The following CLASP2 variants were observed in gnomAD, a reference collection of about 807,000 sequenced individuals.
CLASP2 encodes the protein cytoplasmic linker associated protein 2.
CLASP2 carries 47 observed loss-of-function variants against 194.4 expected under a neutral mutation model. The ratio of observed to expected loss-of-function variants is 0.24; its 90% CI spans 0.19 to 0.31. CLASP2 has a LOEUF of 0.31. CLASP2 is among the 10% of genes least tolerant of loss of function. The pLI is 1.00. For missense variants in CLASP2, 1,445 were observed against 1,823.6 expected, an observed-to-expected ratio of 0.79 and a Z score of 3.78; for synonymous variants, 619 against 633.5, an observed-to-expected ratio of 0.98 and a Z score of 0.34.
chr3:33,684,515 T>C, intron 5 of CLASP2, 59 bp from the exon 6 acceptor site: 1 of 1,183,366 alleles, frequency 8.5e-7, no homozygotes, highest in Non-Finnish European at 1.2e-6. Flanking sequence ...AAATACTTCA[T>C]CTCAAGGTAA....
At chr3:33,638,461 T>C (rs1297063678) in intron 8 of CLASP2, among the ~76,000 whole-genome samples, 3 of 152,010 alleles carry the variant, frequency 2.0e-5, no homozygotes, top group Admixed American at 6.6e-5. Context: ...CTCGCCACCA[T>C]GCCCAGATAA....
rs1288454935 is a variant in CLASP2 at position 33,608,273 on chromosome 3, ACAT to A, written c.1448+291_1448+293del. Among the ~76,000 whole-genome samples, 3 of 152,186 alleles carry A rather than the reference ACAT, an allele frequency of 2.0e-5. No individual in the cohort carries two copies. In the East Asian group the frequency reaches 5.8e-4, roughly 29 times the overall value. ...TGATTGATTACACTTCAGGAAACTT[ACAT>A]CATATGACTAGAGATACATTTTTAA... On this transcript the variant is annotated intron_variant, in intron 14 of 38. Coordinates refer to ENST00000682230, the MANE Select transcript of CLASP2 (RefSeq NM_001365631.1).
intron 1 of CLASP2, 39 bp from the exon 2 acceptor site, chr3:33,696,972 G>T: frequency 9.5e-7 from 1 of 1,058,096 alleles, no homozygotes; most frequent in Non-Finnish European, 1.4e-6. Context: ...ATAAATTACT[G>T]ATGCATACTT....
At chr3:33,665,193 C>T (rs2085981866) in intron 6 of CLASP2, among the ~76,000 whole-genome samples, 1 of 151,734 alleles carries the variant, frequency 6.6e-6, no homozygotes, top group Non-Finnish European at 1.5e-5. Context: ...TAACATTTGG[C>T]TATAGATTAG....
At chr3:33,561,161 A>G (rs757101031) in intron 27 of CLASP2, among the ~76,000 whole-genome samples, 190 bp from the exon 28 acceptor site, 1 of 152,236 alleles carries the variant, frequency 6.6e-6, no homozygotes, top group Non-Finnish European at 1.5e-5. Flanking sequence ...CTGTTATCCA[A>G]CTTCTGCAGA....
At chr3:33,683,197 T>C (rs1382176541) in intron 6 of CLASP2, 3 of 152,232 alleles carry the variant, frequency 2.0e-5, no homozygotes, top group African/African-American at 7.2e-5. Context: ...TACTTGATAA[T>C]GGTACATAAT....
chr3:33,660,509 T>C (rs769888594), intron 7 of CLASP2, among the ~76,000 whole-genome samples: 29 of 152,242 alleles, frequency 1.9e-4, no homozygotes, highest in Non-Finnish European at 4.0e-4. Context: ...CTTTGGTTTC[T>C]TGTATTTAGT....
intron 23 of CLASP2, among the ~76,000 whole-genome samples, chr3:33,576,856 C>T (rs992599358): frequency 1.3e-5 from 2 of 151,782 alleles, no homozygotes; most frequent in African/African-American, 4.8e-5. Flanking sequence ...CCCTCAACTG[C>T]TTTCTATACC....
At chr3:33,525,126 G>A (rs2054170499) in intron 34 of CLASP2, among the ~76,000 whole-genome samples, 1 of 151,984 alleles carries the variant, frequency 6.6e-6, no homozygotes, top group Non-Finnish European at 1.5e-5. Flanking sequence ...AAGTAAAACT[G>A]GAAAATTCAC....
At position 33,512,557 on chromosome 3, in the gene CLASP2, TAAAAAAAAAAAAAAAA is replaced by T. The variant is rs71070140; in HGVS notation, c.4111-1809_4111-1794del. 4.0e-4 allele frequency among the ~76,000 whole-genome samples: 5 copies of T among 12,488 alleles called. 1 individual carries two copies. The highest frequency in any genetic ancestry group is 7.2e-4 in the Non-Finnish European group (5 of 6,968). The allele number at this position is 12,488 out of a possible 152,430, so 8.2% of individuals were successfully genotyped here. ...ATGTACCCTAAAACTTAGAGTATAA[TAAAAAAAAAAAAAAAA>T]AAAAAAAAAAAAGAACACGTAAAAA... On this transcript the variant is annotated intron_variant, in intron 36 of 38. Coordinates refer to ENST00000682230, the MANE Select transcript of CLASP2 (RefSeq NM_001365631.1).
chr3:33,609,353 G>A (rs2074612757), intron 13 of CLASP2, among the ~76,000 whole-genome samples: 1 of 152,124 alleles, frequency 6.6e-6, no homozygotes, highest in East Asian at 1.9e-4. Context: ...CTATGCACTT[G>A]ACAGTGAAGA....
At chr3:33,513,032 A>G (rs1460568372) in intron 36 of CLASP2, among the ~76,000 whole-genome samples, 1 of 152,084 alleles carries the variant, frequency 6.6e-6, no homozygotes, top group Non-Finnish European at 1.5e-5. Flanking sequence ...AAAAACAAGA[A>G]AATACACTGG....
chr3:33,601,466 C>T (rs2072195819), intron 18 of CLASP2, among the ~76,000 whole-genome samples: 2 of 152,090 alleles, frequency 1.3e-5, no homozygotes, highest in African/African-American at 4.8e-5. Flanking sequence ...TTTTAACAGA[C>T]TTGAAAAACC....
chr3:33,582,064 CT>C, intron 22 of CLASP2, 136 bp from the exon 23 acceptor site: 1 of 610,140 alleles, frequency 1.6e-6, no homozygotes, highest in East Asian at 2.8e-5. Flanking sequence ...AGAAATTACT[CT>C]TGCTGAAGCA....
chr3:33,707,812 C>T (rs887519253), intron 1 of CLASP2, among the ~76,000 whole-genome samples: 8 of 152,124 alleles, frequency 5.3e-5, no homozygotes, highest in African/African-American at 9.7e-5. Context: ...AAAATCTACA[C>T]AAATAAAACT....
chr3:33,594,331 C>T lies in CLASP2; in HGVS notation c.1966+620G>A, dbSNP rs1013057117. On this transcript the variant is annotated intron_variant, in intron 20 of 38. Coordinates refer to ENST00000682230, the MANE Select transcript of CLASP2 (RefSeq NM_001365631.1). ...TTTTGAATCGGAGGTTTTAAAAAGA[C>T]AGACTTCAGGTAGAGTGAATATAAA... 2.0e-5 allele frequency among the ~76,000 whole-genome samples: 3 copies of T among 152,088 alleles called. No individual in the cohort carries two copies. The East Asian group carries it at 5.8e-4, about 29-fold the overall frequency.
chr3:33,600,203 T>G (rs7630203), intron 18 of CLASP2, among the ~76,000 whole-genome samples: 9,950 of 152,142 alleles, frequency 0.065, 1,034 homozygotes, highest in African/African-American at 0.22. Flanking sequence ...TTTATTTTCT[T>G]GCTTAATTGC....
intron 7 of CLASP2, among the ~76,000 whole-genome samples, chr3:33,662,906 A>G (rs1345825237): frequency 2.6e-5 from 4 of 152,076 alleles, no homozygotes; most frequent in African/African-American, 9.7e-5. Flanking sequence ...TCAATACCAG[A>G]TATTAACTCC....
chr3:33,703,927 A>G (rs549161671), intron 1 of CLASP2, among the ~76,000 whole-genome samples: 2 of 152,380 alleles, frequency 1.3e-5, no homozygotes, highest in African/African-American at 4.8e-5. Context: ...TGAGCTATCA[A>G]GGCATGAATA....
Sources: allele counts gnomAD v4.1 joint callset (sites outside exome capture counted in the v4.1 genomes callset), GRCh38; gene constraint gnomAD v4.1.1; transcripts MANE v1.5; gene names NCBI Gene and HGNC (gene_info 2026-07-23, HGNC 2026-07-21).